Variants in RNF38 observed in about 807,000 individuals in gnomAD.
RNF38 encodes the protein ring finger protein 38.
A neutral mutation model predicts 67.2 loss-of-function variants in RNF38; 15 were observed. That is an observed-to-expected ratio of 0.22 (90% CI 0.15 to 0.34). RNF38 has a LOEUF of 0.34. Ranked by LOEUF, RNF38 falls within the 10% of genes least tolerant of loss-of-function variation. The pLI is 1.00. For missense variants in RNF38, 524 were observed against 639.9 expected (o/e 0.82, Z 1.95); for synonymous variants, 220 against 218.8 (o/e 1.01, Z -0.05).
At chr9:36,396,949 A>G (rs551160816) in intron 1 of RNF38, among the ~76,000 whole-genome samples, 35 of 151,508 alleles carry the variant, frequency 2.3e-4, no homozygotes, top group Admixed American at 1.3e-3. Flanking sequence ...CATGAAAAAG[A>G]CTGAAAGGAA....
upstream of RNF38, among the ~76,000 whole-genome samples, chr9:36,402,847 CTTCTTTTT>C (rs1259427533): frequency 2.6e-5 from 4 of 152,106 alleles, no homozygotes; most frequent in Non-Finnish European, 5.9e-5. Context: ...TAAATTTCTT[CTTCTTTTT>C]TTATTTTTTT....
chr9:36,398,841 T>C (rs946027400), intron 1 of RNF38, among the ~76,000 whole-genome samples: 2 of 152,206 alleles, frequency 1.3e-5, no homozygotes, highest in African/African-American at 2.4e-5. Context: ...TGGAATAAAC[T>C]AGAAGACATA....
upstream of RNF38, among the ~76,000 whole-genome samples, chr9:36,401,641 A>G (rs1465945237): frequency 1.3e-5 from 2 of 152,176 alleles, no homozygotes; most frequent in Non-Finnish European, 2.9e-5. Context: ...CTGTCCTGAT[A>G]ATCACGATAC....
intron 1 of RNF38, among the ~76,000 whole-genome samples, chr9:36,439,698 G>A (rs951707140): frequency 2.0e-5 from 3 of 149,216 alleles, no homozygotes; most frequent in Non-Finnish European, 3.0e-5. Flanking sequence ...CCAGCTACTA[G>A]AGAAATCGCT....
chr9:36,440,081 A>G (rs1839160612), intron 1 of RNF38, among the ~76,000 whole-genome samples: 1 of 152,140 alleles, frequency 6.6e-6, no homozygotes, highest in African/African-American at 2.4e-5. Flanking sequence ...CCCTGTCTCT[A>G]CTAAAAATAC....
intron 2 of RNF38, among the ~76,000 whole-genome samples, chr9:36,411,093 T>C (rs144179530): frequency 0.011 from 1,687 of 147,862 alleles, 29 homozygotes; most frequent in African/African-American, 0.04. Flanking sequence ...TAAGTGAAAA[T>C]ACATGTAAAT....
intron 2 of RNF38, among the ~76,000 whole-genome samples, chr9:36,418,965 A>C (rs1838547668): frequency 6.6e-6 from 1 of 152,200 alleles, no homozygotes; most frequent in African/African-American, 2.4e-5. Context: ...TCCATTTCAA[A>C]AATAAACAAA....
chr9:36,398,505 C>A (rs899833263), intron 1 of RNF38, among the ~76,000 whole-genome samples: 1 of 152,166 alleles, frequency 6.6e-6, no homozygotes, highest in Non-Finnish European at 1.5e-5. Flanking sequence ...TTCTAAATTT[C>A]TCTCATTAAT....
rs1222424289 is a variant in RNF38, at chr9:36,344,898, T to G, written c.1319A>C (p.Lys440Thr). 6.2e-7 allele frequency: 1 copy of G among 1,614,146 alleles called. No homozygotes were observed. The highest frequency in any genetic ancestry group is 1.1e-5 in the South Asian group (1 of 91,080). ...LGEAKPRGLT[K>T]ADIEQLPSYR... ...AGAAGGAAGTTGTTCAATATCTGCT[T>G]TAGTCAGTCCACGAGGCTTTGCCTC... Residue 440 changes from lysine (K) to threonine (T), a missense_variant, in exon 10 of 12, where the codon AAA (lysine) becomes ACA (threonine). Physicochemically the swap from Lys to Thr is moderately conservative, Grantham distance 78. This residue lies in a region of RNF38 where 63 missense variants were observed against 122.5 expected (regional missense o/e 0.51). Coordinates refer to ENST00000259605, the MANE Select transcript of RNF38 (RefSeq NM_022781.5).
At chr9:36,432,883 T>C (rs1394958470) in intron 1 of RNF38, among the ~76,000 whole-genome samples, 3 of 152,226 alleles carry the variant, frequency 2.0e-5, no homozygotes, top group Non-Finnish European at 2.9e-5. Flanking sequence ...CACTATTAAT[T>C]ACTATTTATT....
In RNF38 at chr9:36,363,726, T is replaced by A. The variant is rs145541972; in HGVS notation, c.571-5784A>T. 5.4e-4 allele frequency among the ~76,000 whole-genome samples: 54 copies of A among 100,422 alleles called. 12 individuals carry two copies. Among genetic ancestry groups the A allele is most frequent in the African/African-American group, 1.6e-3 (53 of 33,546 alleles). 65.9% of individuals were successfully genotyped at this position (100,422 alleles called of 152,430 possible). A position where few individuals can be genotyped will look rare whatever the true frequency, so the allele number is the denominator to read the frequency against. On this transcript the variant is annotated intron_variant, in intron 4 of 11. Coordinates refer to ENST00000259605, the MANE Select transcript of RNF38 (RefSeq NM_022781.5). Reference sequence around the variant, plus strand: ...AGCCTACTACACACCTAGGCTTATATGTTATAGCCTATTGCCCCTAGGCTA... The same window carrying A: ...AGCCTACTACACACCTAGGCTTATAAGTTATAGCCTATTGCCCCTAGGCTA...
At chr9:36,342,204 C>T in intron 11 of RNF38, 121 bp downstream of exon 11, 2 of 715,300 alleles carry the variant, frequency 2.8e-6, no homozygotes, top group Non-Finnish European at 4.9e-6. Context: ...AGAGATCATA[C>T]TGAAAGCTGT....
In RNF38 at chr9:36,337,518, T is replaced by C. The variant is rs1173994792; in HGVS notation, c.*2234A>G. ...GTTAATTAGATACCTCTATATAAAT[T>C]AGAAAAAGTGCTTTACTTGCATGCT... On this transcript the variant is annotated 3_prime_UTR_variant, in exon 12 of 12. Transcript: ENST00000259605. 6.6e-6 allele frequency: 1 copy of C among 152,622 alleles called. No individual in the cohort carries two copies. The highest frequency in any genetic ancestry group is 1.5e-5 in the Non-Finnish European group (1 of 68,032). The allele number at this position is 152,622 out of a possible 1,614,324, so 9.5% of individuals were successfully genotyped here. A position where few individuals can be genotyped will look rare whatever the true frequency, so the allele number is the denominator to read the frequency against.
intron 1 of RNF38, among the ~76,000 whole-genome samples, chr9:36,470,869 C>G (rs1426620011): frequency 6.6e-6 from 1 of 152,158 alleles, no homozygotes; most frequent in Admixed American, 6.6e-5. Context: ...CTCAAAGACT[C>G]ATAGATTTTA....
intron 1 of RNF38, among the ~76,000 whole-genome samples, chr9:36,429,080 C>CT (rs1838861515): frequency 2.0e-5 from 3 of 152,218 alleles, no homozygotes; most frequent in Non-Finnish European, 4.4e-5. Flanking sequence ...ATGAATTTTA[C>CT]TTTAACCAAT....
chr9:36,357,734 C>CTTAATA (rs1179374782), intron 5 of RNF38, 41 bp downstream of exon 5: 1 of 1,566,770 alleles, frequency 6.4e-7, no homozygotes, highest in Non-Finnish European at 8.8e-7. Context: ...GGCTGGTGTG[C>CTTAATA]TTAATAGTAA....
chr9:36,441,405 C>A (rs1839188037), intron 1 of RNF38, among the ~76,000 whole-genome samples: 1 of 151,634 alleles, frequency 6.6e-6, no homozygotes, highest in Admixed American at 6.6e-5. Flanking sequence ...CAGCTCACTG[C>A]AACCTCCGCC....
In RNF38 at chr9:36,460,494, A is replaced by G. The variant is rs191431072; in HGVS notation, n.241+26814T>C. On this transcript the variant is annotated intron_variant and non_coding_transcript_variant, in intron 1 of 3. Coordinates refer to the RNF38 transcript ENST00000488058. ...ACAGGGTTGATCCAGAAAGTAAGGT[A>G]AATCAATGCACAGTGGTGGGAAACA... Among the ~76,000 whole-genome samples, 254 of 152,304 alleles carry G rather than the reference A, an allele frequency of 1.7e-3. 1 individual carries two copies. Among genetic ancestry groups the G allele is most frequent in the Middle Eastern group, 6.8e-3 (2 of 294 alleles).
At chr9:36,377,009 A>T (rs1034363773) in intron 2 of RNF38, among the ~76,000 whole-genome samples, 1 of 152,048 alleles carries the variant, frequency 6.6e-6, no homozygotes, top group Non-Finnish European at 1.5e-5. Context: ...TTACATGATC[A>T]GTTCTTAACT....
Sources: allele counts gnomAD v4.1 joint callset (sites outside exome capture counted in the v4.1 genomes callset), GRCh38; gene constraint gnomAD v4.1.1; regional missense constraint gnomAD v4.1.1; transcripts MANE v1.5; gene names NCBI Gene and HGNC (gene_info 2026-07-23, HGNC 2026-07-21).